NUDT3: variants seen among roughly 807,000 people sequenced by gnomAD.
NUDT3 encodes the protein diphosphoinositol polyphosphate phosphohydrolase 1.
A neutral mutation model predicts 23.6 loss-of-function variants in NUDT3; 9 were observed. That is an observed-to-expected ratio of 0.38 (90% CI 0.23 to 0.66). The LOEUF (loss-of-function observed/expected upper bound fraction) is 0.66. Among genes scored for constraint, NUDT3 ranks in the 30% least tolerant of loss-of-function variants. NUDT3 has a pLI of 0.52. For synonymous variants in NUDT3, 86 were observed against 82.6 expected, an observed-to-expected ratio of 1.04 and a Z score of -0.22; for missense variants, 172 against 218.5, an observed-to-expected ratio of 0.79 and a Z score of 1.34.
intron 2 of NUDT3, among the ~76,000 whole-genome samples, chr6:34,332,333 AGGTGGAAG>A (rs1233241633): frequency 2.0e-5 from 3 of 152,216 alleles, no homozygotes; most frequent in Non-Finnish European, 4.4e-5. Flanking sequence ...ACTGTTCATT[AGGTGGAAG>A]TGGAGCCCAG....
At chr6:34,351,198 T>TTAAAAAA (rs1764462307) in intron 1 of NUDT3, among the ~76,000 whole-genome samples, 4 of 17,890 alleles carry the variant, frequency 2.2e-4, no homozygotes, top group Non-Finnish European at 3.4e-4. Context: ...CTCCCCTGCC[T>TTAAAAAA]AAAAAAAAAA....
intron 2 of NUDT3, among the ~76,000 whole-genome samples, chr6:34,340,533 C>T (rs1421464331): frequency 9.2e-5 from 14 of 152,172 alleles, no homozygotes. Flanking sequence ...AGGATTCCCA[C>T]GTCAATGTTC....
chr6:34,290,935 C>G (rs1017442872), intron 4 of NUDT3, among the ~76,000 whole-genome samples: 1 of 151,346 alleles, frequency 6.6e-6, no homozygotes, highest in Admixed American at 6.6e-5. Flanking sequence ...GCTGGGATTA[C>G]AGGCGCCCAC....
intron 1 of NUDT3, among the ~76,000 whole-genome samples, chr6:34,379,868 G>A (rs569320665): frequency 6.6e-6 from 1 of 151,918 alleles, no homozygotes; most frequent in African/African-American, 2.4e-5. Flanking sequence ...TTAGCCGGAT[G>A]GGGTGGCACA....
chr6:34,387,131 A>G (rs1050424050), intron 1 of NUDT3, among the ~76,000 whole-genome samples: 2 of 152,234 alleles, frequency 1.3e-5, no homozygotes, highest in African/African-American at 4.8e-5. Flanking sequence ...AACAAAATGT[A>G]GCACATACAA....
intron 2 of NUDT3, among the ~76,000 whole-genome samples, chr6:34,332,775 C>T (rs539693174): frequency 6.6e-6 from 1 of 152,140 alleles, no homozygotes; most frequent in Non-Finnish European, 1.5e-5. Context: ...ACTGTAGGCA[C>T]ATAATTTTCT....
chr6:34,309,214 C>CA (rs35402857), intron 2 of NUDT3, among the ~76,000 whole-genome samples: 51 of 149,736 alleles, frequency 3.4e-4, no homozygotes, highest in African/African-American at 4.9e-5. Flanking sequence ...AACCCTATCT[C>CA]AAAAAAAAGA....
At chr6:34,331,881 T>A (rs948008640) in intron 2 of NUDT3, among the ~76,000 whole-genome samples, 2 of 150,934 alleles carry the variant, frequency 1.3e-5, no homozygotes, top group Admixed American at 6.6e-5. Context: ...CTGTGTATAC[T>A]TTTTTTTTGT....
At chr6:34,347,661 C>G (rs894234077) in intron 1 of NUDT3, among the ~76,000 whole-genome samples, 2 of 152,114 alleles carry the variant, frequency 1.3e-5, no homozygotes, top group Non-Finnish European at 2.9e-5. Context: ...TGTTTTATTT[C>G]TTACAAATTG....
At chr6:34,316,768 C>T (rs1763867947) in intron 2 of NUDT3, among the ~76,000 whole-genome samples, 2 of 151,874 alleles carry the variant, frequency 1.3e-5, no homozygotes, top group South Asian at 4.1e-4. Context: ...ATTGCTGGAG[C>T]ACAGTGAGAA....
intron 3 of NUDT3, among the ~76,000 whole-genome samples, chr6:34,294,345 C>T (rs1370711373): frequency 6.6e-6 from 1 of 151,882 alleles, no homozygotes; most frequent in Non-Finnish European, 1.5e-5. Context: ...TGGTCTTAAA[C>T]TCCTAGGCTC....
chr6:34,296,104 A>G (rs1763495423), intron 2 of NUDT3, among the ~76,000 whole-genome samples: 1 of 152,160 alleles, frequency 6.6e-6, no homozygotes, highest in Non-Finnish European at 1.5e-5. Context: ...CCTGCCTCTA[A>G]AAATTTGTTT....
At chr6:34,295,085 G>A (rs1763479869) in intron 3 of NUDT3, among the ~76,000 whole-genome samples, 1 of 151,726 alleles carries the variant, frequency 6.6e-6, no homozygotes, top group Non-Finnish European at 1.5e-5. Context: ...TCCTACCTTG[G>A]TAGGAGACAA....
intron 2 of NUDT3, among the ~76,000 whole-genome samples, chr6:34,297,728 A>ATAT (rs1554149011): frequency 9.6e-5 from 5 of 52,084 alleles, no homozygotes; most frequent in African/African-American, 4.3e-4. Context: ...TAAAAAAAAA[A>ATAT]AAATATATAT....
chr6:34,342,289 CAAAAAAA>C (rs200954440), intron 1 of NUDT3, among the ~76,000 whole-genome samples: 4,366 of 66,432 alleles, frequency 0.066, 221 homozygotes, highest in African/African-American at 0.18. Flanking sequence ...TAGAAGACTT[CAAAAAAA>C]AAAAAAAAAA....
intron 1 of NUDT3, among the ~76,000 whole-genome samples, chr6:34,390,665 A>AT (rs1479415048): frequency 7.9e-5 from 12 of 151,940 alleles, no homozygotes; most frequent in African/African-American, 2.2e-4. Flanking sequence ...GCCTGGTGTG[A>AT]TTTTTTTAAA....
chr6:34,306,199 T>G (rs4713770), intron 2 of NUDT3, among the ~76,000 whole-genome samples: 1 of 152,168 alleles, frequency 6.6e-6, no homozygotes, highest in East Asian at 1.9e-4. Flanking sequence ...ACTCTGATAA[T>G]TTTTACTTTA....
At chr6:34,388,032 T>C (rs918277719) in intron 1 of NUDT3, among the ~76,000 whole-genome samples, 1 of 152,172 alleles carries the variant, frequency 6.6e-6, no homozygotes, top group Non-Finnish European at 1.5e-5. Flanking sequence ...ACCGTATTTT[T>C]CCTGTACTTT....
rs372010999 is a variant in NUDT3, at chr6:34,280,712, G to C, written c.*8041C>G. 1 of 152,208 alleles carries C rather than the reference G, an allele frequency of 6.6e-6. No individual in the cohort carries two copies. The highest frequency in any genetic ancestry group is 6.5e-5 in the Admixed American group (1 of 15,278). The allele number at this position is 152,208 out of a possible 1,614,324, so 9.4% of individuals were successfully genotyped here. Reference sequence around the variant, plus strand: ...AGATTAGGTGACCTAATGATGAGAAGGCTAACTTATTTGCTTTCCTGGGTG... The same window carrying C: ...AGATTAGGTGACCTAATGATGAGAACGCTAACTTATTTGCTTTCCTGGGTG... On this transcript the variant is annotated 3_prime_UTR_variant, in exon 5 of 5. Transcript: ENST00000607016.
Sources: allele counts gnomAD v4.1 joint callset (sites outside exome capture counted in the v4.1 genomes callset), GRCh38; gene constraint gnomAD v4.1.1; transcripts MANE v1.5; gene names NCBI Gene and HGNC (gene_info 2026-07-23, HGNC 2026-07-21).